PDE3A: variants seen among roughly 807,000 people sequenced by gnomAD.
The protein encoded by PDE3A is phosphodiesterase 3A, also known as cGMP-inhibited 3',5'-cyclic phosphodiesterase 3A.
Under a neutral mutation model 98.3 loss-of-function variants are expected in PDE3A, and 43 were observed. The observed-to-expected ratio is 0.44, with a 90% CI of 0.34 to 0.56. PDE3A has a LOEUF of 0.56. Ranked by LOEUF, PDE3A falls within the 20% of genes least tolerant of loss-of-function variation. The probability of loss-of-function intolerance (pLI) is 0.01; values close to 1 mark genes in which losing one functional copy is unlikely to be tolerated. For synonymous variants in PDE3A, 663 were observed against 567.9 expected (o/e 1.17, Z -2.38); for missense variants, 1,427 against 1,440.7 (o/e 0.99, Z 0.15).
intron 1 of PDE3A, among the ~76,000 whole-genome samples, chr12:20,465,667 C>T (rs1041018792): frequency 2.0e-5 from 3 of 152,100 alleles, no homozygotes; most frequent in African/African-American, 7.2e-5. Context: ...CCTCAGCCTC[C>T]CAAAGTACTG....
chr12:20,603,894 G>A (rs188213921), intron 2 of PDE3A, among the ~76,000 whole-genome samples: 1 of 152,296 alleles, frequency 6.6e-6, no homozygotes, highest in African/African-American at 2.4e-5. Flanking sequence ...AAATGAGCCA[G>A]GCATGGTGGC....
Position 20,369,792 on chromosome 12 carries a change from G to C in PDE3A, c.508G>C (p.Gly170Arg). The change falls in exon 1 of 16, where the codon GGG becomes CGG. Residue 170 changes from glycine to arginine, a missense_variant. Gly to Arg is a moderately radical substitution (Grantham distance 125). Transcript: ENST00000359062. The part of the protein sequence containing the change: ...AVALLAACCG[G>R]EALVQIGLGV... ...CGCGCTGCTGGCCGCCTGCTGCGGG[G>C]GGGAAGCGCTCGTCCAGATTGGGCT... The C allele has an allele frequency of 6.2e-7, 1 of 1,612,570 alleles. No individual in the cohort carries two copies. Among genetic ancestry groups the C allele is most frequent in the Non-Finnish European group, 8.5e-7 (1 of 1,179,706 alleles).
At chr12:20,388,748 A>G (rs950642968) in intron 1 of PDE3A, among the ~76,000 whole-genome samples, 2 of 152,012 alleles carry the variant, frequency 1.3e-5, no homozygotes, top group African/African-American at 4.8e-5. Flanking sequence ...TATAATATTG[A>G]TTAACTTCAG....
At chr12:20,396,615 G>C (rs1944023273) in intron 1 of PDE3A, among the ~76,000 whole-genome samples, 2 of 151,862 alleles carry the variant, frequency 1.3e-5, no homozygotes, top group South Asian at 4.2e-4. Context: ...GCATAGAGTT[G>C]AATAACGAGT....
Position 20,647,052 on chromosome 12 carries a change from C to T in PDE3A, c.2565+102C>T, listed in dbSNP as rs994103880. 1.5e-5 allele frequency: 11 copies of T among 744,150 alleles called. No individual in the cohort carries two copies. The African/African-American group carries it at 1.9e-4, about 13-fold the overall frequency. The allele number at this position is 744,150 out of a possible 1,614,324, so 46.1% of individuals were successfully genotyped here. A position where few individuals can be genotyped will look rare whatever the true frequency, so the allele number is the denominator to read the frequency against. On this transcript the variant is annotated intron_variant, in intron 12 of 15. Coordinates refer to ENST00000359062, the MANE Select transcript of PDE3A (RefSeq NM_000921.5). Reference sequence around the variant, plus strand: ...AGGCACCAAGTTAATATAAGCCAAACTATACATAGTCTTACGTTGAAATTC... The same window carrying T: ...AGGCACCAAGTTAATATAAGCCAAATTATACATAGTCTTACGTTGAAATTC...
chr12:20,386,030 AATATATATAAAATATATATAAATATATAT>A (rs1943760868), intron 1 of PDE3A, among the ~76,000 whole-genome samples: 1 of 93,624 alleles, frequency 1.1e-5, no homozygotes, highest in Non-Finnish European at 2.1e-5. Flanking sequence ...TATATATATA[AATATATATAAAATATATATAAATATATAT>A]AAATATATAT....
chr12:20,474,061 G>A (rs1468939573), intron 1 of PDE3A, among the ~76,000 whole-genome samples: 1 of 152,130 alleles, frequency 6.6e-6, no homozygotes, highest in Non-Finnish European at 1.5e-5. Context: ...TAGAATCAAA[G>A]TACACTCCAA....
chr12:20,628,499 T>TTTTAC (rs1944314673), intron 5 of PDE3A, among the ~76,000 whole-genome samples: 1 of 152,264 alleles, frequency 6.6e-6, no homozygotes, highest in South Asian at 2.1e-4. Flanking sequence ...ATAAGCTGCA[T>TTTTAC]TTTACTAAGA....
chr12:20,572,798 T>C (rs1942831908), intron 2 of PDE3A, among the ~76,000 whole-genome samples: 1 of 152,128 alleles, frequency 6.6e-6, no homozygotes, highest in Non-Finnish European at 1.5e-5. Flanking sequence ...TGGACAAGAT[T>C]ATTCACTGCC....
At chr12:20,555,343 C>T (rs1236324475) in intron 1 of PDE3A, among the ~76,000 whole-genome samples, 1 of 152,244 alleles carries the variant, frequency 6.6e-6, no homozygotes, top group Admixed American at 6.5e-5. Context: ...ATTGTATATA[C>T]TTGAGGTGTA....
chr12:20,593,177 A>G (rs1284753857), intron 2 of PDE3A, among the ~76,000 whole-genome samples: 1 of 152,212 alleles, frequency 6.6e-6, no homozygotes, highest in Non-Finnish European at 1.5e-5. Context: ...GATAATCAAT[A>G]CTAAATAAAA....
intron 2 of PDE3A, among the ~76,000 whole-genome samples, chr12:20,591,187 A>C (rs1943330704): frequency 6.6e-6 from 1 of 152,224 alleles, no homozygotes. Flanking sequence ...ACAGAAAAAT[A>C]ATGTTTTGTT....
At chr12:20,425,383 C>T (rs1033280526) in intron 1 of PDE3A, among the ~76,000 whole-genome samples, 7 of 152,094 alleles carry the variant, frequency 4.6e-5, no homozygotes, top group African/African-American at 1.4e-4. Context: ...GAGAATATTT[C>T]ACCTTTCAAA....
chr12:20,373,576 A>C (rs1045074481), intron 1 of PDE3A, among the ~76,000 whole-genome samples: 7 of 152,114 alleles, frequency 4.6e-5, no homozygotes, highest in African/African-American at 1.7e-4. Context: ...ACCACCTTAC[A>C]CATTCACTTT....
At chr12:20,548,337 A>G (rs1446209824) in intron 1 of PDE3A, among the ~76,000 whole-genome samples, 3 of 152,114 alleles carry the variant, frequency 2.0e-5, no homozygotes, top group Non-Finnish European at 4.4e-5. Flanking sequence ...TTGGTGACCT[A>G]TATATCCCCA....
intron 1 of PDE3A, among the ~76,000 whole-genome samples, chr12:20,486,354 C>T (rs1945727209): frequency 6.6e-6 from 1 of 152,120 alleles, no homozygotes; most frequent in Admixed American, 6.5e-5. Flanking sequence ...CTCTTGAGAA[C>T]TCACTATCAT....
At chr12:20,538,402 C>T (rs1313340442) in intron 1 of PDE3A, among the ~76,000 whole-genome samples, 1 of 152,034 alleles carries the variant, frequency 6.6e-6, no homozygotes, top group African/African-American at 2.4e-5. Flanking sequence ...CTGAGTTTTC[C>T]CCTTTTTAAA....
rs905269161 is a variant in PDE3A at position 20,552,931 on chromosome 12, C to T, written c.961-3729C>T. ...CCCTGCCTGCCGCTACGACCTGGGCCGCAGCTATGCCATGCAGGTGAACCA... is the reference window on the plus strand; with the variant it reads ...CCCTGCCTGCCGCTACGACCTGGGCTGCAGCTATGCCATGCAGGTGAACCA... On this transcript the variant is annotated intron_variant, in intron 1 of 15. Coordinates refer to ENST00000359062, the MANE Select transcript of PDE3A (RefSeq NM_000921.5). The surrounding 1 kb of genome is among the most constrained non-coding windows in gnomAD (Gnocchi z 5.1). The T allele has an allele frequency of 2.0e-5, 31 of 1,575,502 alleles. 1 individual carries two copies. In the African/African-American group the frequency reaches 2.6e-4, roughly 13 times the overall value.
chr12:20,549,648 A>G (rs1171442878), intron 1 of PDE3A, among the ~76,000 whole-genome samples: 1 of 151,992 alleles, frequency 6.6e-6, no homozygotes, highest in Non-Finnish European at 1.5e-5. Flanking sequence ...AACATTTTTT[A>G]TTACTTTGAA....
Sources: gnomAD v4.1 joint callset for allele counts (sites outside exome capture counted in the v4.1 genomes callset) on GRCh38, gnomAD v4.1.1 for gene constraint, Gnocchi (gnomAD v3.1) non-coding constraint, MANE v1.5 for transcripts, NCBI Gene and HGNC (gene_info 2026-07-23, HGNC 2026-07-21) for gene names.